The following PRKCH variants were observed in gnomAD, a reference collection of about 807,000 sequenced individuals.
PRKCH encodes the protein protein kinase C eta.
Under a neutral mutation model 82.5 loss-of-function variants are expected in PRKCH, and 28 were observed. That is an observed-to-expected ratio of 0.34 (90% CI 0.25 to 0.47). The LOEUF (loss-of-function observed/expected upper bound fraction) is 0.47. PRKCH is among the 20% of genes least tolerant of loss of function. The pLI, the probability that PRKCH is intolerant of heterozygous loss-of-function variation, is 1.00. For synonymous variants in PRKCH, 322 were observed against 327.4 expected (o/e 0.98, Z 0.18); for missense variants, 705 against 881.8 (o/e 0.80, Z 2.54).
At chr14:61,366,665 G>A (rs1417369927) in intron 1 of PRKCH, among the ~76,000 whole-genome samples, 2 of 152,006 alleles carry the variant, frequency 1.3e-5, no homozygotes, top group African/African-American at 4.8e-5. Flanking sequence ...GAAAATGAGT[G>A]GTATTCATTA....
intron 12 of PRKCH, among the ~76,000 whole-genome samples, chr14:61,539,516 A>G (rs2043155108): frequency 6.6e-6 from 1 of 152,212 alleles, no homozygotes; most frequent in South Asian, 2.1e-4. Context: ...ACAACCTGCC[A>G]GGTAAGGCAC....
rs1555378084 is a variant in PRKCH, at chr14:61,352,689, G to GGAAAAA, written c.363+30229_363+30230insAAGAAA. Among the ~76,000 whole-genome samples, 189 of 126,538 alleles carry GGAAAAA rather than the reference G, an allele frequency of 1.5e-3. 1 individual carries two copies. The highest frequency in any genetic ancestry group is 5.7e-3 in the African/African-American group (185 of 32,604). The allele number at this position is 126,538 out of a possible 152,430, so 83.0% of individuals were successfully genotyped here. A position where few individuals can be genotyped will look rare whatever the true frequency, so the allele number is the denominator to read the frequency against. On this transcript the variant is annotated intron_variant, in intron 1 of 13. Transcript: ENST00000332981. ...GAGAGAGAGAGAGAGAGAAAGGAAA[G>GGAAAAA]GAAAGAAAGAAAGAAAGAAAGAAAG...
intron 1 of PRKCH, among the ~76,000 whole-genome samples, chr14:61,250,025 C>A (rs1393190718): frequency 1.3e-5 from 2 of 149,456 alleles, no homozygotes; most frequent in African/African-American, 4.9e-5. Context: ...TTTGGGAGGC[C>A]GAGATGGGTG....
At chr14:61,320,199 TAAAA>T (rs2045597391), upstream of PRKCH, among the ~76,000 whole-genome samples, 1 of 150,800 alleles carries the variant, frequency 6.6e-6, no homozygotes, top group African/African-American at 2.4e-5. Context: ...CTCTAAAACA[TAAAA>T]GAAAGAAAGG....
In PRKCH at chr14:61,494,289, T is replaced by A. The variant is rs74574984; in HGVS notation, c.1433+8633T>A. On this transcript the variant is annotated intron_variant, in intron 10 of 13. Transcript: ENST00000332981. ...AACCAGACTCCATTAGAAATCTGCC[T>A]AAATTTGGCTCCAGGGTTATAGAAA... Among the ~76,000 whole-genome samples the A allele has an allele frequency of 0.017, 2,569 of 152,300 alleles. 125 individuals are homozygous for A. The East Asian group carries it at 0.21, about 13-fold the overall frequency.
intron 2 of PRKCH, among the ~76,000 whole-genome samples, chr14:61,427,045 G>A (rs1883142506): frequency 6.6e-6 from 1 of 152,144 alleles, no homozygotes; most frequent in East Asian, 1.9e-4. Context: ...TGCCCAGGGT[G>A]GTTGGGTTAC....
intron 1 of PRKCH, among the ~76,000 whole-genome samples, chr14:61,369,497 T>C (rs572431381): frequency 6.6e-6 from 1 of 152,246 alleles, no homozygotes; most frequent in Admixed American, 6.5e-5. Flanking sequence ...TTCAAATTTG[T>C]AGCTCAACTT....
intron 10 of PRKCH, among the ~76,000 whole-genome samples, chr14:61,500,241 T>C (rs966123419): frequency 9.2e-5 from 14 of 151,974 alleles, no homozygotes; most frequent in African/African-American, 3.4e-4. Context: ...TCTCCCTCTG[T>C]TGCCCAGGCT....
intron 1 of PRKCH, among the ~76,000 whole-genome samples, chr14:61,330,472 C>T (rs985611297): frequency 1.3e-5 from 2 of 152,180 alleles, no homozygotes; most frequent in African/African-American, 4.8e-5. Context: ...TTTGACTCCA[C>T]AAAGGCAGAA....
intron 2 of PRKCH, among the ~76,000 whole-genome samples, chr14:61,403,319 A>C (rs1243252485): frequency 6.6e-6 from 1 of 152,226 alleles, no homozygotes; most frequent in African/African-American, 2.4e-5. Flanking sequence ...TTCTTTCAAA[A>C]GCCCAGTGCT....
In PRKCH at chr14:61,447,441, G is replaced by A. The variant is rs1884280938; in HGVS notation, c.613+1715G>A. Among the ~76,000 whole-genome samples, 3 of 152,274 alleles carry A rather than the reference G, an allele frequency of 2.0e-5. No homozygotes were observed. The South Asian group carries it at 6.2e-4, about 32-fold the overall frequency. The stretch of plus-strand genomic sequence containing the variant: ...ATCTAAACAGCATTATCACAACTAG[G>A]TGAAATTGACGTTTATAGAATACTT... On this transcript the variant is annotated intron_variant, in intron 4 of 13. Transcript: ENST00000332981.
chr14:61,333,067 A>C (rs1182550812), intron 1 of PRKCH, among the ~76,000 whole-genome samples: 1 of 152,228 alleles, frequency 6.6e-6, no homozygotes, highest in Admixed American at 6.5e-5. Context: ...CCCAAAAGTC[A>C]TACGTGTATT....
chr14:61,368,225 G>A (rs553390087), intron 1 of PRKCH, among the ~76,000 whole-genome samples: 16 of 151,854 alleles, frequency 1.1e-4, no homozygotes, highest in African/African-American at 3.9e-4. Context: ...GCAGCCTCTA[G>A]TTCCAACATC....
intron 9 of PRKCH, among the ~76,000 whole-genome samples, chr14:61,464,842 A>G (rs529874131): frequency 1.8e-4 from 27 of 152,344 alleles, no homozygotes; most frequent in African/African-American, 5.5e-4. Flanking sequence ...GTGCTGCAAT[A>G]AACATACATG....
In PRKCH at chr14:61,457,499, G is replaced by C; in HGVS notation, c.1105-7G>C. ...CCCTCATGCTCCCTCCTTTTGCTTT[G>C]CCATAGGTGATGCTTGCAAGAGTAA... is the stretch of plus-strand genomic sequence containing the variant. On this transcript the variant is annotated splice_polypyrimidine_tract_variant and splice_region_variant and intron_variant, in intron 8 of 13. Coordinates refer to ENST00000332981, the MANE Select transcript of PRKCH (RefSeq NM_006255.5). 6.2e-7 allele frequency: 1 copy of C among 1,613,442 alleles called. No homozygotes were observed. The highest frequency in any genetic ancestry group is 8.5e-7 in the Non-Finnish European group (1 of 1,179,580).
At chr14:61,511,720 A>C (rs150654477) in intron 10 of PRKCH, among the ~76,000 whole-genome samples, 6 of 152,294 alleles carry the variant, frequency 3.9e-5, no homozygotes, top group African/African-American at 1.4e-4. Context: ...CATGCTTGTC[A>C]TTGCTGCTTC....
intron 1 of PRKCH, 113 bp downstream of exon 1, chr14:61,322,577 C>A: frequency 1.4e-6 from 2 of 1,428,430 alleles, no homozygotes; most frequent in East Asian, 4.8e-5. Context: ...AGGGAATTCC[C>A]TCCAGACTTT....
intron 12 of PRKCH, 130 bp from the exon 13 acceptor site, chr14:61,547,613 A>ACC (rs2043275016): frequency 8.5e-7 from 1 of 1,176,226 alleles, no homozygotes; most frequent in Non-Finnish European, 1.2e-6. Flanking sequence ...GTGATGGAAA[A>ACC]CCCAGCTAGT....
chr14:61,460,316 TTA>T (rs1411291193), intron 9 of PRKCH, among the ~76,000 whole-genome samples: 11 of 152,242 alleles, frequency 7.2e-5, no homozygotes, highest in Non-Finnish European at 1.3e-4. Flanking sequence ...TCCTAGTCTT[TTA>T]TTTCAGTCAT....
Sources: gnomAD v4.1 joint callset for allele counts (sites outside exome capture counted in the v4.1 genomes callset) on GRCh38, gnomAD v4.1.1 for gene constraint, MANE v1.5 for transcripts, NCBI Gene and HGNC (gene_info 2026-07-23, HGNC 2026-07-21) for gene names.